THSD7B: variants seen among roughly 807,000 people sequenced by gnomAD.
THSD7B encodes the protein thrombospondin type 1 domain containing 7B, also known as thrombospondin type-1 domain-containing protein 7B.
Under a neutral mutation model 213.6 loss-of-function variants are expected in THSD7B, and 138 were observed. That is an observed-to-expected ratio of 0.65 (90% CI 0.56 to 0.74). THSD7B has a LOEUF of 0.74. Ranked by LOEUF, THSD7B falls within the 30% of genes least tolerant of loss-of-function variation. The probability of loss-of-function intolerance (pLI) is 0.00; values close to 1 mark genes in which losing one functional copy is unlikely to be tolerated. For missense variants in THSD7B, 1,931 were observed against 1,991.5 expected, an observed-to-expected ratio of 0.97 and a Z score of 0.58; for synonymous variants, 742 against 687.0, an observed-to-expected ratio of 1.08 and a Z score of -1.25.
intron 12 of THSD7B, among the ~76,000 whole-genome samples, chr2:137,295,937 G>A (rs894204242): frequency 5.9e-5 from 9 of 152,080 alleles, no homozygotes; most frequent in Non-Finnish European, 8.8e-5. Context: ...TGTATGATCT[G>A]ACCTCTTTCA....
intron 10 of THSD7B, among the ~76,000 whole-genome samples, chr2:137,259,912 TGTGTGTGCGTGTGG>T (rs953915505): frequency 2.0e-5 from 3 of 151,884 alleles, no homozygotes; most frequent in Non-Finnish European, 4.4e-5. Context: ...TCTTTATTTG[TGTGTGTGCGTGTGG>T]GTGTGTGCGT....
intron 2 of THSD7B, among the ~76,000 whole-genome samples, chr2:136,995,323 G>C (rs1292081156): frequency 1.4e-5 from 2 of 145,944 alleles, no homozygotes; most frequent in Non-Finnish European, 3.0e-5. Flanking sequence ...ATGGGCAGTA[G>C]GGAAGCCTAG....
At chr2:137,076,737 C>T (rs1305222810) in intron 3 of THSD7B, among the ~76,000 whole-genome samples, 1 of 152,210 alleles carries the variant, frequency 6.6e-6, no homozygotes, top group Non-Finnish European at 1.5e-5. Flanking sequence ...GGCTCCTCCC[C>T]TCCCAAATTC....
chr2:137,581,132 T>G (rs1008013201), intron 17 of THSD7B, among the ~76,000 whole-genome samples: 1 of 152,222 alleles, frequency 6.6e-6, no homozygotes, highest in African/African-American at 2.4e-5. Context: ...TGTATGTATA[T>G]ATACAATATA....
intron 7 of THSD7B, among the ~76,000 whole-genome samples, chr2:137,176,943 G>A (rs1045693820): frequency 6.6e-6 from 1 of 151,672 alleles, no homozygotes; most frequent in African/African-American, 2.4e-5. Flanking sequence ...TTGTCACAGA[G>A]TTTCATTATG....
chr2:136,863,205 C>T (rs912259548), intron 1 of THSD7B, among the ~76,000 whole-genome samples: 2 of 152,212 alleles, frequency 1.3e-5, no homozygotes, highest in East Asian at 3.8e-4. Flanking sequence ...TATGCCCAGC[C>T]ATTGGCGATT....
At chr2:137,376,415 T>C (rs1685657855) in intron 12 of THSD7B, among the ~76,000 whole-genome samples, 1 of 152,206 alleles carries the variant, frequency 6.6e-6, no homozygotes, top group Non-Finnish European at 1.5e-5. Context: ...GTGCAGCAGG[T>C]GACTAAAGCA....
At chr2:137,384,256 G>T (rs1432848455) in intron 12 of THSD7B, among the ~76,000 whole-genome samples, 1 of 152,168 alleles carries the variant, frequency 6.6e-6, no homozygotes, top group Non-Finnish European at 1.5e-5. Flanking sequence ...TCTGTCCTGG[G>T]ACTCAGCTCA....
intron 26 of THSD7B, among the ~76,000 whole-genome samples, chr2:137,665,557 G>C (rs1436346036): frequency 6.6e-6 from 1 of 151,926 alleles, no homozygotes; most frequent in African/African-American, 2.4e-5. Context: ...GTATAAATTA[G>C]AGCACCCTGT....
At chr2:136,850,598 A>T (rs1033637045) in intron 1 of THSD7B, among the ~76,000 whole-genome samples, 3 of 151,948 alleles carry the variant, frequency 2.0e-5, no homozygotes, top group African/African-American at 4.8e-5. Flanking sequence ...GAAAGTGTAA[A>T]AAAAAAATGT....
At chr2:137,188,734 G>A (rs745825184) in intron 7 of THSD7B, among the ~76,000 whole-genome samples, 2 of 152,196 alleles carry the variant, frequency 1.3e-5, no homozygotes, top group African/African-American at 2.4e-5. Flanking sequence ...GTTTGACAAT[G>A]TGTTACCCAG....
chr2:137,249,291 A>G (rs1252847962), intron 10 of THSD7B, among the ~76,000 whole-genome samples: 1 of 152,028 alleles, frequency 6.6e-6, no homozygotes, highest in Non-Finnish European at 1.5e-5. Flanking sequence ...GTCTTTATTA[A>G]AACCCCGCAT....
At chr2:137,390,204 G>T (rs1457447011) in intron 12 of THSD7B, among the ~76,000 whole-genome samples, 1 of 151,996 alleles carries the variant, frequency 6.6e-6, no homozygotes, top group African/African-American at 2.4e-5. Context: ...TTCCATTTGT[G>T]TTCTCTTCAG....
At chr2:136,990,747 C>T in intron 2 of THSD7B, 1 of 437,946 alleles carries the variant, frequency 2.3e-6, no homozygotes, top group Admixed American at 3.2e-5. Context: ...GTAGTTTGTT[C>T]TTCCCCTTCT....
At chr2:137,448,731 A>G (rs918939722) in intron 14 of THSD7B, among the ~76,000 whole-genome samples, 12 of 152,098 alleles carry the variant, frequency 7.9e-5, no homozygotes, top group Admixed American at 5.2e-4. Context: ...CCCGGGAGTC[A>G]GAGCTTGCAG....
intron 17 of THSD7B, among the ~76,000 whole-genome samples, chr2:137,602,001 G>C (rs1682083542): frequency 6.6e-6 from 1 of 152,206 alleles, no homozygotes; most frequent in African/African-American, 2.4e-5. Context: ...CACTGTGTCT[G>C]AGTTCCCAAA....
At chr2:137,410,333 A>T (rs1686625041) in intron 13 of THSD7B, among the ~76,000 whole-genome samples, 1 of 151,552 alleles carries the variant, frequency 6.6e-6, no homozygotes. Context: ...CAGTGATGCG[A>T]TCTTAGCTCA....
intron 3 of THSD7B, among the ~76,000 whole-genome samples, chr2:137,082,315 G>A (rs1382332770): frequency 6.6e-6 from 1 of 152,010 alleles, no homozygotes; most frequent in Non-Finnish European, 1.5e-5. Flanking sequence ...ATGTGTGTGT[G>A]TTCATGTTCT....
chr2:136,819,686 GC>G (rs149158020), intron 1 of THSD7B, among the ~76,000 whole-genome samples: 2,484 of 151,680 alleles, frequency 0.016, 59 homozygotes, highest in African/African-American at 0.056. Flanking sequence ...CCTTGCTTAT[GC>G]CCCCCCCAGT....
Sources: gnomAD v4.1 joint callset for allele counts (sites outside exome capture counted in the v4.1 genomes callset) on GRCh38, gnomAD v4.1.1 for gene constraint, MANE v1.5 for transcripts, NCBI Gene and HGNC (gene_info 2026-07-23, HGNC 2026-07-21) for gene names.